TTC3: variants seen among roughly 807,000 people sequenced by gnomAD.
TTC3 encodes tetratricopeptide repeat domain 3, also known as E3 ubiquitin-protein ligase TTC3.
Under a neutral mutation model 249.6 loss-of-function variants are expected in TTC3, and 180 were observed. That is an observed-to-expected ratio of 0.72 (90% CI 0.64 to 0.82). The LOEUF (loss-of-function observed/expected upper bound fraction) is 0.82, where lower values mean the gene tolerates loss of function less well. Ranked by LOEUF, TTC3 falls within the 40% of genes least tolerant of loss-of-function variation. TTC3 has a pLI of 0.00. For synonymous variants in TTC3, 717 were observed against 805.0 expected, an observed-to-expected ratio of 0.89 and a Z score of 1.85; for missense variants, 2,061 against 2,398.4, an observed-to-expected ratio of 0.86 and a Z score of 2.94.
intron 14 of TTC3, among the ~76,000 whole-genome samples, chr21:37,125,517 C>T (rs1218088098): frequency 1.3e-5 from 2 of 152,170 alleles, no homozygotes; most frequent in African/African-American, 2.4e-5. Flanking sequence ...TTCACCCCAT[C>T]TGATTGTAAA....
At chr21:37,096,184 T>C (rs140914255) in intron 9 of TTC3, among the ~76,000 whole-genome samples, 2 of 152,344 alleles carry the variant, frequency 1.3e-5, no homozygotes, top group African/African-American at 2.4e-5. Context: ...GCTATTTTAA[T>C]TTGCAATTAC....
At chr21:37,074,075 G>A (rs757655883) in intron 1 of TTC3, among the ~76,000 whole-genome samples, 1 of 152,152 alleles carries the variant, frequency 6.6e-6, no homozygotes, top group Admixed American at 6.5e-5. Context: ...ACCCCTTGCT[G>A]TGTGTGCGTG....
intron 41 of TTC3, among the ~76,000 whole-genome samples, chr21:37,193,393 G>C (rs541508551): frequency 6.6e-6 from 1 of 151,324 alleles, no homozygotes; most frequent in African/African-American, 2.4e-5. Flanking sequence ...TGTGGAAAAA[G>C]TGTGACCACC....
chr21:37,090,274 T>C (rs1467555763), exon 6 of TTC3: 1 of 1,606,252 alleles, frequency 6.2e-7, no homozygotes, highest in East Asian at 2.2e-5. Context: ...GAATTGGTTG[T>C]AAAATAGAAA....
chr21:37,075,637 C>T (rs973579659), intron 1 of TTC3, among the ~76,000 whole-genome samples: 28 of 152,180 alleles, frequency 1.8e-4, no homozygotes, highest in Non-Finnish European at 4.4e-5. Flanking sequence ...TTGGTTGCTG[C>T]TAAATTTGCT....
At chr21:37,086,392 A>G (rs990440775) in intron 1 of TTC3, 7 of 152,196 alleles carry the variant, frequency 4.6e-5, no homozygotes, top group African/African-American at 1.7e-4. Context: ...TGTTTGGCCT[A>G]TGTAGCTATT....
intron 34 of TTC3, among the ~76,000 whole-genome samples, chr21:37,172,059 G>C (rs1219879153): frequency 2.0e-5 from 3 of 152,146 alleles, no homozygotes; most frequent in African/African-American, 7.2e-5. Context: ...CCAACAGAAT[G>C]GTTTCTGGGT....
chr21:37,086,443 A>G (rs1601281356), intron 1 of TTC3: 1 of 118,130 alleles, frequency 8.5e-6, no homozygotes, highest in Non-Finnish European at 2.0e-5. Context: ...AAGATTCTTC[A>G]GGAAAAAAAA....
At chr21:37,092,039 A>G (rs2835591) in intron 7 of TTC3, among the ~76,000 whole-genome samples, 6,584 of 152,296 alleles carry the variant, frequency 0.043, 368 homozygotes, top group East Asian at 0.24. Context: ...TGTAAGAAAA[A>G]GTCACTGAAG....
Position 37,201,651 on chromosome 21 carries a change from C to A in TTC3, c.*77C>A, listed in dbSNP as rs1266982235. The A allele has an allele frequency of 3.5e-5, 54 of 1,551,984 alleles. No homozygotes were observed. The Admixed American group carries it at 1.1e-3, about 31-fold the overall frequency. Reference sequence around the variant, plus strand: ...AATTTTCTACCACTGGTGTAAAAAACAAACATTTGAAGACCCTTGTGCATT... The same window carrying A: ...AATTTTCTACCACTGGTGTAAAAAAAAAACATTTGAAGACCCTTGTGCATT... On this transcript the variant is annotated 3_prime_UTR_variant, in exon 46 of 46. Coordinates refer to ENST00000355666, the Ensembl canonical transcript of TTC3.
At chr21:37,165,647 A>T (rs2081184945) in exon 33 of TTC3, 1 of 1,614,038 alleles carries the variant, frequency 6.2e-7, no homozygotes, top group African/African-American at 1.3e-5. Flanking sequence ...AACTCGACAG[A>T]TACTAGAAAA....
At chr21:37,120,818 G>A (rs1319481979) in intron 11 of TTC3, among the ~76,000 whole-genome samples, 1 of 152,158 alleles carries the variant, frequency 6.6e-6, no homozygotes, top group Non-Finnish European at 1.5e-5. Context: ...TCTTAAAAGC[G>A]TTGTTTGTTT....
chr21:37,197,206 G>A (rs1376304254), intron 42 of TTC3, among the ~76,000 whole-genome samples: 1 of 152,180 alleles, frequency 6.6e-6, no homozygotes, highest in Non-Finnish European at 1.5e-5. Context: ...GCTCACGCCA[G>A]GCCGAGGCAG....
intron 1 of TTC3, among the ~76,000 whole-genome samples, chr21:37,075,836 G>A (rs1431374932): frequency 6.6e-6 from 1 of 152,146 alleles, no homozygotes; most frequent in Non-Finnish European, 1.5e-5. Context: ...TGTTAAATAT[G>A]TACCTCTTTA....
intron 11 of TTC3, among the ~76,000 whole-genome samples, chr21:37,114,760 T>C (rs1376430395): frequency 1.3e-5 from 2 of 151,978 alleles, no homozygotes; most frequent in African/African-American, 2.4e-5. Context: ...GTATTCACAA[T>C]AGCAAAGACT....
intron 25 of TTC3, among the ~76,000 whole-genome samples, chr21:37,151,109 G>C (rs17229122): frequency 0.047 from 7,207 of 152,084 alleles, 263 homozygotes; most frequent in Non-Finnish European, 0.073. Context: ...TCTAGTGGTT[G>C]AATTTACAAT....
intron 11 of TTC3, among the ~76,000 whole-genome samples, chr21:37,114,912 C>T (rs1202823424): frequency 6.6e-6 from 1 of 152,034 alleles, no homozygotes; most frequent in African/African-American, 2.4e-5. Flanking sequence ...AACCATCATT[C>T]TCAGCAAACT....
exon 46 of TTC3, chr21:37,201,707 G>A (rs1602236881): frequency 8.0e-6 from 9 of 1,129,852 alleles, no homozygotes; most frequent in Non-Finnish European, 9.8e-6. Context: ...CATGGAAATC[G>A]TTAATATCGC....
chr21:37,153,054 C>G (rs752835062), exon 27 of TTC3: 2 of 1,613,812 alleles, frequency 1.2e-6, no homozygotes, highest in African/African-American at 2.7e-5. Flanking sequence ...AGAATACAGC[C>G]ATGCTTCTCA....
Sources: allele counts gnomAD v4.1 joint callset (sites outside exome capture counted in the v4.1 genomes callset), GRCh38; gene constraint gnomAD v4.1.1; transcripts MANE v1.5; gene names NCBI Gene and HGNC (gene_info 2026-07-23, HGNC 2026-07-21).